The following LINGO2 variants were observed in gnomAD, a reference collection of about 807,000 sequenced individuals.
LINGO2 encodes leucine-rich repeat and immunoglobulin-like domain-containing nogo receptor-interacting protein 2.
LINGO2 carries 14 observed loss-of-function variants against 30.6 expected under a neutral mutation model. The ratio of observed to expected loss-of-function variants is 0.46; its 90% CI spans 0.30 to 0.72. The LOEUF is 0.72. Among genes scored for constraint, LINGO2 ranks in the 30% least tolerant of loss-of-function variants. The pLI, the probability that LINGO2 is intolerant of heterozygous loss-of-function variation, is 0.07. For missense variants in LINGO2, 729 were observed against 751.7 expected, an observed-to-expected ratio of 0.97 and a Z score of 0.35; for synonymous variants, 317 against 288.5, an observed-to-expected ratio of 1.10 and a Z score of -1.00.
chr9:29,118,161 G>A, the LINGO2 span, among the ~76,000 whole-genome samples: 3 of 152,090 alleles, frequency 2.0e-5, no homozygotes, highest in Non-Finnish European at 4.4e-5. Context: ...ATTGCTGTTG[G>A]TATTTGGGTT....
chr9:28,451,341 C>G (rs903204756), intron 2 of LINGO2, among the ~76,000 whole-genome samples: 3 of 151,794 alleles, frequency 2.0e-5, no homozygotes, highest in Non-Finnish European at 2.9e-5. Flanking sequence ...GAATGCTTAT[C>G]TCACTTCTCA....
At chr9:28,418,089 TA>T (rs1346318821) in intron 2 of LINGO2, among the ~76,000 whole-genome samples, 1 of 152,116 alleles carries the variant, frequency 6.6e-6, no homozygotes, top group African/African-American at 2.4e-5. Context: ...CTACTATTTT[TA>T]ATGAACAGAG....
At chr9:28,363,235 C>T (rs1820525001) in intron 3 of LINGO2, among the ~76,000 whole-genome samples, 1 of 152,196 alleles carries the variant, frequency 6.6e-6, no homozygotes, top group Non-Finnish European at 1.5e-5. Context: ...AGAGCCTATG[C>T]TCTGCTTACT....
chr9:29,058,391 C>A, the LINGO2 span, among the ~76,000 whole-genome samples: 17 of 151,782 alleles, frequency 1.1e-4, no homozygotes, highest in Non-Finnish European at 2.4e-4. Flanking sequence ...TAGAAGATAT[C>A]CAAATTGAAT....
intron 2 of LINGO2, among the ~76,000 whole-genome samples, chr9:28,405,367 GT>G (rs1822459271): frequency 6.6e-6 from 1 of 152,094 alleles, no homozygotes; most frequent in African/African-American, 2.4e-5. Flanking sequence ...CTCTATCATA[GT>G]TAACTCTAAA....
chr9:28,078,563 A>G (rs1825688793), intron 4 of LINGO2, among the ~76,000 whole-genome samples: 1 of 148,608 alleles, frequency 6.7e-6, no homozygotes, highest in South Asian at 2.1e-4. Flanking sequence ...TAAGATCTCT[A>G]GACTCTGCCG....
intron 4 of LINGO2, among the ~76,000 whole-genome samples, chr9:28,179,160 A>G (rs77697641): frequency 0.017 from 2,565 of 149,552 alleles, 72 homozygotes; most frequent in African/African-American, 0.058. Context: ...GAAACTTGAT[A>G]CTTCAAAATA....
intron 1 of LINGO2, among the ~76,000 whole-genome samples, chr9:28,511,487 C>A (rs1042454555): frequency 2.0e-5 from 3 of 152,108 alleles, no homozygotes; most frequent in African/African-American, 7.2e-5. Context: ...CCACTTTGTT[C>A]ACGGGCCCAT....
intron 4 of LINGO2, among the ~76,000 whole-genome samples, chr9:28,172,323 G>A (rs1447010189): frequency 8.1e-5 from 12 of 147,260 alleles, no homozygotes; most frequent in African/African-American, 2.0e-4. Context: ...CCCGGGAGGC[G>A]GAGCTTGCAG....
chr9:28,858,579 A>G, the LINGO2 span, among the ~76,000 whole-genome samples: 1,007 of 152,142 alleles, frequency 6.6e-3, 7 homozygotes, highest in Non-Finnish European at 0.011. Flanking sequence ...TGCGGGTTTC[A>G]TCCGGCTTGC....
At chr9:29,118,659 C>T in the LINGO2 span, among the ~76,000 whole-genome samples, 1 of 152,144 alleles carries the variant, frequency 6.6e-6, no homozygotes, top group South Asian at 2.1e-4. Context: ...AGCCCCAACC[C>T]GGACTCAGCT....
chr9:29,023,130 G>C, the LINGO2 span, among the ~76,000 whole-genome samples: 1 of 152,060 alleles, frequency 6.6e-6, no homozygotes, highest in Non-Finnish European at 1.5e-5. Flanking sequence ...TCTTCACCCA[G>C]AGAGACCTGG....
intron 3 of LINGO2, among the ~76,000 whole-genome samples, chr9:28,324,096 C>T (rs900780814): frequency 8.5e-5 from 13 of 152,118 alleles, no homozygotes; most frequent in African/African-American, 2.2e-4. Context: ...ATGTTGTATC[C>T]GTAAGGCTAA....
the LINGO2 span, among the ~76,000 whole-genome samples, chr9:29,180,202 A>C: frequency 6.6e-6 from 1 of 152,184 alleles, no homozygotes; most frequent in African/African-American, 2.4e-5. Flanking sequence ...GAGAGCAACA[A>C]GAATATCTGG....
the LINGO2 span, among the ~76,000 whole-genome samples, chr9:29,049,237 G>A: frequency 2.0e-5 from 3 of 152,198 alleles, no homozygotes; most frequent in Non-Finnish European, 2.9e-5. Context: ...TTGGTCATTA[G>A]AGAAATGCAA....
intron 1 of LINGO2, among the ~76,000 whole-genome samples, chr9:28,525,110 C>T (rs567367862): frequency 1.3e-5 from 2 of 152,160 alleles, no homozygotes; most frequent in Non-Finnish European, 2.9e-5. Context: ...TGAAAAAATA[C>T]TCGACATCAC....
intron 2 of LINGO2, among the ~76,000 whole-genome samples, chr9:28,390,436 A>G (rs999814814): frequency 5.9e-5 from 9 of 152,154 alleles, no homozygotes; most frequent in Non-Finnish European, 1.0e-4. Flanking sequence ...TCAATTTATC[A>G]AGTCTGGAAT....
At chr9:28,000,701 T>C (rs1411360894) in intron 5 of LINGO2, among the ~76,000 whole-genome samples, 1 of 152,170 alleles carries the variant, frequency 6.6e-6, no homozygotes. Context: ...GATTTCATAG[T>C]TTTTAAAAGT....
At chr9:28,169,821 T>C (rs935084429) in intron 4 of LINGO2, among the ~76,000 whole-genome samples, 4 of 152,166 alleles carry the variant, frequency 2.6e-5, no homozygotes, top group Middle Eastern at 3.2e-3. Context: ...TAGCTTAAAC[T>C]TTGCACCTGG....
Sources: gnomAD v4.1 joint callset for allele counts (sites outside exome capture counted in the v4.1 genomes callset) on GRCh38, gnomAD v4.1.1 for gene constraint, MANE v1.5 for transcripts, NCBI Gene and HGNC (gene_info 2026-07-23, HGNC 2026-07-21) for gene names.